The following DOCK3 variants were observed in gnomAD, a reference collection of about 807,000 sequenced individuals.
DOCK3 encodes dedicator of cytokinesis 3, also known as dedicator of cytokinesis protein 3.
DOCK3 carries 60 observed loss-of-function variants against 265.6 expected under a neutral mutation model. The ratio of observed to expected loss-of-function variants is 0.23; its 90% confidence interval spans 0.18 to 0.28. The LOEUF is 0.28. Among genes scored for constraint, DOCK3 ranks in the 10% least tolerant of loss-of-function variants. The probability of loss-of-function intolerance (pLI) is 1.00; values close to 1 mark genes in which losing one functional copy is unlikely to be tolerated. For missense variants in DOCK3, 1,981 were observed against 2,594.3 expected (o/e 0.76, Z 5.14); for synonymous variants, 881 against 938.0 (o/e 0.94, Z 1.11).
chr3:50,852,966 G>A (rs2046412276), intron 3 of DOCK3, among the ~76,000 whole-genome samples: 1 of 152,130 alleles, frequency 6.6e-6, no homozygotes, highest in Non-Finnish European at 1.5e-5. Flanking sequence ...TGCATACAAT[G>A]TGTAATGATC....
Position 51,149,377 on chromosome 3 carries a change from T to C in DOCK3, c.828+2747T>C, listed in dbSNP as rs560340928. Among the ~76,000 whole-genome samples the C allele has an allele frequency of 2.8e-3, 421 of 152,298 alleles. 3 individuals carry two copies. The highest frequency in any genetic ancestry group is 9.7e-3 in the African/African-American group (402 of 41,574). ...CCTGACCAGAACTTCCAACACTATG[T>C]TGAATAGGAGTGGTGAGAGAGGGCA... On this transcript the variant is annotated intron_variant, in intron 10 of 52. Transcript: ENST00000266037.
At chr3:51,249,664 C>A (rs1171253781) in intron 22 of DOCK3, among the ~76,000 whole-genome samples, 1 of 124,932 alleles carries the variant, frequency 8.0e-6, no homozygotes, top group Non-Finnish European at 1.7e-5. Flanking sequence ...GGGGTCAGCC[C>A]CCCACCCGGC....
chr3:51,194,182 T>A (rs1463687755), intron 12 of DOCK3, among the ~76,000 whole-genome samples: 1 of 152,168 alleles, frequency 6.6e-6, no homozygotes, highest in Non-Finnish European at 1.5e-5. Context: ...TAGGAGTATG[T>A]TGTTTAATTT....
At chr3:50,944,028 C>T (rs993393938) in intron 5 of DOCK3, among the ~76,000 whole-genome samples, 5 of 152,118 alleles carry the variant, frequency 3.3e-5, no homozygotes, top group African/African-American at 1.2e-4. Context: ...ATATGTCTCT[C>T]CAGATATGCA....
chr3:51,251,283 G>C (rs1039216869), intron 22 of DOCK3, among the ~76,000 whole-genome samples: 4 of 152,154 alleles, frequency 2.6e-5, no homozygotes, highest in East Asian at 3.9e-4. Flanking sequence ...GGACATTTGG[G>C]TTGGTTCCAA....
intron 9 of DOCK3, among the ~76,000 whole-genome samples, chr3:51,120,151 A>G (rs1022272417): frequency 1.3e-5 from 2 of 151,938 alleles, no homozygotes; most frequent in Non-Finnish European, 2.9e-5. Flanking sequence ...GAGTTTATGC[A>G]TGGTCGTATT....
At chr3:51,305,762 T>TGTGTG (rs1384632654) in intron 27 of DOCK3, among the ~76,000 whole-genome samples, 57 of 70,332 alleles carry the variant, frequency 8.1e-4, no homozygotes, top group African/African-American at 1.3e-3. Flanking sequence ...GTGTGTGTGT[T>TGTGTG]TTTATTATAG....
intron 7 of DOCK3, 76 bp downstream of exon 7, chr3:51,075,516 TGAAAC>T: frequency 8.0e-7 from 1 of 1,255,784 alleles, no homozygotes; most frequent in Non-Finnish European, 1.1e-6. Context: ...TCTAATGTTA[TGAAAC>T]AACATTGCTA....
chr3:51,185,157 G>C (rs1285338451), intron 12 of DOCK3, among the ~76,000 whole-genome samples: 2 of 151,958 alleles, frequency 1.3e-5, no homozygotes, highest in African/African-American at 4.8e-5. Context: ...AAGATACTAG[G>C]TTAAAACTAA....
chr3:50,883,730 T>G (rs2048180716), intron 3 of DOCK3, among the ~76,000 whole-genome samples: 1 of 152,188 alleles, frequency 6.6e-6, no homozygotes, highest in Non-Finnish European at 1.5e-5. Context: ...TATTTTATAC[T>G]TATTTTTCAA....
At chr3:50,720,606 T>A (rs1273415536) in intron 1 of DOCK3, among the ~76,000 whole-genome samples, 2 of 152,232 alleles carry the variant, frequency 1.3e-5, no homozygotes, top group Non-Finnish European at 2.9e-5. Context: ...AACATACACA[T>A]GCATATGTCT....
chr3:50,905,899 T>G (rs2049466714), intron 4 of DOCK3, among the ~76,000 whole-genome samples: 1 of 152,084 alleles, frequency 6.6e-6, no homozygotes, highest in African/African-American at 2.4e-5. Flanking sequence ...GGCTGTGGGT[T>G]TGTCATAAAT....
chr3:50,881,720 C>G (rs570327538), intron 3 of DOCK3, among the ~76,000 whole-genome samples: 1 of 152,170 alleles, frequency 6.6e-6, no homozygotes, highest in African/African-American at 2.4e-5. Context: ...AATGCTGTCC[C>G]CATCATGTGA....
intron 5 of DOCK3, among the ~76,000 whole-genome samples, chr3:51,026,353 T>C (rs1290550401): frequency 6.6e-6 from 1 of 152,150 alleles, no homozygotes; most frequent in African/African-American, 2.4e-5. Context: ...GAATTATCTT[T>C]TGATCTGCAG....
intron 6 of DOCK3, among the ~76,000 whole-genome samples, chr3:51,073,237 A>C (rs949631562): frequency 3.3e-5 from 5 of 152,212 alleles, no homozygotes; most frequent in Non-Finnish European, 7.3e-5. Context: ...TGCTAATATC[A>C]TTCTTGTGAT....
chr3:51,035,338 CT>C (rs1233495880), intron 5 of DOCK3, among the ~76,000 whole-genome samples: 1 of 152,092 alleles, frequency 6.6e-6, no homozygotes, highest in Non-Finnish European at 1.5e-5. Context: ...TTCACCAACT[CT>C]TTCGTCATTT....
In DOCK3 at chr3:50,755,598, C is replaced by G. The variant is rs540944756; in HGVS notation, c.38-23077C>G. Among the ~76,000 whole-genome samples the G allele has an allele frequency of 2.6e-5, 4 of 152,160 alleles. No individual in the cohort carries two copies. In the East Asian group the frequency reaches 7.7e-4, roughly 29 times the overall value. On this transcript the variant is annotated intron_variant, in intron 1 of 52. Transcript: ENST00000266037. Reference sequence around the variant, plus strand: ...TAGTATATTCAGAAGGTTGTGCAACCATCATCATCTAATTTCAGGACATTT... The same window carrying G: ...TAGTATATTCAGAAGGTTGTGCAACGATCATCATCTAATTTCAGGACATTT...
chr3:50,716,130 A>G (rs1470176500), intron 1 of DOCK3, among the ~76,000 whole-genome samples: 1 of 152,080 alleles, frequency 6.6e-6, no homozygotes, highest in Non-Finnish European at 1.5e-5. Context: ...GCCTCTTTCA[A>G]AATGAGTACA....
intron 6 of DOCK3, among the ~76,000 whole-genome samples, chr3:51,073,704 T>C: frequency 6.6e-6 from 1 of 152,196 alleles, no homozygotes; most frequent in Admixed American, 6.5e-5. Context: ...TTTTTTTAAT[T>C]AGTGGATAAT....
Sources: allele counts gnomAD v4.1 joint callset (sites outside exome capture counted in the v4.1 genomes callset), GRCh38; gene constraint gnomAD v4.1.1; transcripts MANE v1.5; gene names NCBI Gene and HGNC (gene_info 2026-07-23, HGNC 2026-07-21).